Variants in SAG observed in about 807,000 individuals in gnomAD.
The protein encoded by SAG is S-antigen visual arrestin, also known as S-arrestin.
Under a neutral mutation model 55.0 loss-of-function variants are expected in SAG, and 45 were observed. That is an observed-to-expected ratio of 0.82 (90% confidence interval 0.64 to 1.05). SAG has a LOEUF of 1.05. Among genes scored for constraint, SAG ranks in the 50% least tolerant of loss-of-function variants. SAG has a pLI of 0.00. For missense variants in SAG, 455 were observed against 512.1 expected (o/e 0.89, Z 1.08); for synonymous variants, 189 against 197.4 (o/e 0.96, Z 0.36).
intron 10 of SAG, chr2:233,334,063 G>A (rs1483074417): frequency 6.6e-6 from 1 of 152,310 alleles, no homozygotes; most frequent in Admixed American, 6.5e-5. Flanking sequence ...GATGGAGGGT[G>A]TGCTTCCGGC....
chr2:233,340,305 G>A lies in SAG; in HGVS notation c.1023-150G>A, dbSNP rs1382475835. 1 of 664,268 alleles carries A rather than the reference G, an allele frequency of 1.5e-6. No homozygotes were observed. The allele number at this position is 664,268 out of a possible 1,614,324, so 41.1% of individuals were successfully genotyped here. A position where few individuals can be genotyped will look rare whatever the true frequency, so the allele number is the denominator to read the frequency against. Reference sequence around the variant, plus strand: ...AAGAGATGAAGTCACAGGTAATGAAGTTGAACATTAAGGGATGGGAAGACC... The same window carrying A: ...AAGAGATGAAGTCACAGGTAATGAAATTGAACATTAAGGGATGGGAAGACC... On this transcript the variant is annotated intron_variant, in intron 12 of 15. Coordinates refer to ENST00000409110, the MANE Select transcript of SAG (RefSeq NM_000541.5). The surrounding 1 kb of genome is among the most constrained non-coding windows in gnomAD (Gnocchi z 4.2).
intron 2 of SAG, among the ~76,000 whole-genome samples, chr2:233,309,494 A>G (rs1381066432): frequency 6.6e-6 from 1 of 152,102 alleles, no homozygotes; most frequent in Non-Finnish European, 1.5e-5. Flanking sequence ...TAAAAATACA[A>G]AAATTAGCTG....
At chr2:233,324,869 C>T (rs555346076) in intron 6 of SAG, among the ~76,000 whole-genome samples, 5 of 152,190 alleles carry the variant, frequency 3.3e-5, no homozygotes, top group Admixed American at 2.6e-4. Flanking sequence ...ACATCTGACC[C>T]GTTAGTGGTT....
intron 5 of SAG, among the ~76,000 whole-genome samples, chr2:233,322,047 C>T (rs1416310279): frequency 2.7e-5 from 4 of 149,244 alleles, no homozygotes; most frequent in Admixed American, 6.7e-5. Flanking sequence ...ATTAGTCAGG[C>T]GTGGTGGCGG....
intron 7 of SAG, chr2:233,327,536 TTTTTTTTC>T (rs1239729514): frequency 5.7e-6 from 1 of 174,404 alleles, no homozygotes; most frequent in Non-Finnish European, 1.1e-5. Context: ...TTTTAACCAC[TTTTTTTTC>T]TTTTTTTCTT....
At position 233,307,971 on chromosome 2, in the gene SAG, A is replaced by G. The variant is rs926487817; in HGVS notation, c.-80A>G. On this transcript the variant is annotated 5_prime_UTR_variant, in exon 1 of 16. Transcript: ENST00000409110. ...CTATTCATCATCTCAGAGCATAGAG[A>G]CCCTCTCCTTGCCACCCGGCCCTTC... The G allele has an allele frequency of 6.6e-6, 1 of 152,392 alleles. No individual in the cohort carries two copies. Among genetic ancestry groups the G allele is most frequent in the African/African-American group, 2.4e-5 (1 of 41,390 alleles). The allele number at this position is 152,392 out of a possible 1,614,324, so 9.4% of individuals were successfully genotyped here. A position where few individuals can be genotyped will look rare whatever the true frequency, so the allele number is the denominator to read the frequency against.
intron 11 of SAG, among the ~76,000 whole-genome samples, chr2:233,337,724 T>C (rs880115): frequency 0.45 from 68,006 of 152,008 alleles, 16,541 homozygotes; most frequent in South Asian, 0.62. Flanking sequence ...GTTCCATCCT[T>C]CCCTGCCTTC....
chr2:233,309,012 G>A (rs1413145171), intron 1 of SAG, 150 bp from the exon 2 acceptor site: 11 of 546,506 alleles, frequency 2.0e-5, no homozygotes, highest in Non-Finnish European at 3.0e-5. Context: ...AAGACTCACC[G>A]ATGAAACTCG....
intron 11 of SAG, among the ~76,000 whole-genome samples, chr2:233,335,910 G>A (rs1260403927): frequency 6.6e-6 from 1 of 152,358 alleles, no homozygotes; most frequent in East Asian, 1.9e-4. Flanking sequence ...CCGAGGTGAT[G>A]CCAATGGCTG....
intron 5 of SAG, 112 bp downstream of exon 5, chr2:233,320,935 A>G (rs1003630840): frequency 5.6e-6 from 5 of 893,744 alleles, no homozygotes; most frequent in South Asian, 1.9e-5. Flanking sequence ...AGGCCTGGAA[A>G]TTGCACCCTT....
In SAG at chr2:233,331,679, A is replaced by C. The variant is rs765006635; in HGVS notation, c.773A>C (p.Tyr258Ser). ...VANVVLYSSDYYVKPVAMEEA... is the reference protein window; with the variant it reads ...VANVVLYSSDSYVKPVAMEEA... The stretch of plus-strand genomic sequence containing the variant: ...AATGTGGTTCTCTACTCGAGTGATT[A>C]TTACGTCAAGCCCGTGGCTATGGAG... The change falls in exon 10 of 16, where the codon TAT becomes TCT. Residue 258 changes from tyrosine (Y) to serine (S), a missense_variant. Tyr to Ser is a moderately radical substitution (Grantham distance 144). Transcript: ENST00000409110. The C allele has an allele frequency of 6.2e-7, 1 of 1,613,776 alleles. No individual in the cohort carries two copies. Among genetic ancestry groups the C allele is most frequent in the Admixed American group, 1.7e-5 (1 of 60,006 alleles).
intron 8 of SAG, chr2:233,328,991 A>G: frequency 4.3e-6 from 1 of 232,680 alleles, no homozygotes; most frequent in African/African-American, 2.3e-5. Context: ...GGGAAATTTA[A>G]GTTTTGCAGA....
In SAG at chr2:233,320,042, A is replaced by G. The variant is rs773145575; in HGVS notation, c.182-588A>G. 260 of 938,456 alleles carry G rather than the reference A, an allele frequency of 2.8e-4. 1 individual carries two copies. The highest frequency in any genetic ancestry group is 3.3e-4 in the Non-Finnish European group (257 of 787,146). 58.1% of individuals were successfully genotyped at this position (938,456 alleles called of 1,614,324 possible). On this transcript the variant is annotated intron_variant, in intron 4 of 15. Transcript: ENST00000409110. ...ACTTCAGGTCTGTTCAACAAGTAGA[A>G]TTTTCAGAAGTGGGGGTTTAGAGAA...
chr2:233,342,010 G>C (rs1431000535), intron 13 of SAG, among the ~76,000 whole-genome samples: 1 of 151,982 alleles, frequency 6.6e-6, no homozygotes, highest in African/African-American at 2.4e-5. Flanking sequence ...TGTAGTCCCA[G>C]CTACTCGGGA....
intron 2 of SAG, among the ~76,000 whole-genome samples, chr2:233,314,878 A>C (rs920409649): frequency 6.6e-6 from 1 of 152,180 alleles, no homozygotes; most frequent in African/African-American, 2.4e-5. Flanking sequence ...GGAATTCAAA[A>C]TATTCATTCG....
intron 11 of SAG, among the ~76,000 whole-genome samples, chr2:233,335,917 G>C (rs968868947): frequency 6.6e-6 from 1 of 152,236 alleles, no homozygotes. Context: ...GATGCCAATG[G>C]CTGGGAGACT....
At chr2:233,328,438 G>A (rs1215461123) in intron 7 of SAG, 40 bp from the exon 8 acceptor site, 1 of 1,598,802 alleles carries the variant, frequency 6.3e-7, no homozygotes, top group Non-Finnish European at 8.6e-7. Context: ...AAAGCGGCCT[G>A]GGTGCCAATC....
At chr2:233,337,300 G>T (rs983447533) in intron 11 of SAG, among the ~76,000 whole-genome samples, 1 of 151,882 alleles carries the variant, frequency 6.6e-6, no homozygotes, top group African/African-American at 2.4e-5. Context: ...GTGCAGTAGC[G>T]CGTTCTTGGC....
At chr2:233,346,511 C>A in intron 15 of SAG, 99 bp downstream of exon 15, 1 of 1,328,558 alleles carries the variant, frequency 7.5e-7, no homozygotes, top group Non-Finnish European at 1.1e-6. Flanking sequence ...ATATCCCAAG[C>A]TCTCCTGCCG....
Sources: gnomAD v4.1 joint callset for allele counts (sites outside exome capture counted in the v4.1 genomes callset) on GRCh38, gnomAD v4.1.1 for gene constraint, Gnocchi (gnomAD v3.1) non-coding constraint, MANE v1.5 for transcripts, NCBI Gene and HGNC (gene_info 2026-07-23, HGNC 2026-07-21) for gene names.